The following TRMT44 variants were observed in gnomAD, a reference collection of about 807,000 sequenced individuals.
The protein encoded by TRMT44 is probable tRNA (uracil-O(2)-)-methyltransferase.
A neutral mutation model predicts 77.3 loss-of-function variants in TRMT44; 78 were observed. That is an observed-to-expected ratio of 1.01 (90% confidence interval 0.84 to 1.22). The LOEUF is 1.22. TRMT44 is among the 50% of genes most tolerant of loss of function. The pLI, the probability that TRMT44 is intolerant of heterozygous loss-of-function variation, is 0.00. For synonymous variants in TRMT44, 391 were observed against 383.3 expected (o/e 1.02, Z -0.23); for missense variants, 1,090 against 964.4 (o/e 1.13, Z -1.73).
At chr4:8,478,369 G>A (rs1437531560), downstream of TRMT44, 1 of 152,648 alleles carries the variant, frequency 6.6e-6, no homozygotes, top group Non-Finnish European at 1.5e-5. Flanking sequence ...ATGCTAAGTG[G>A]GGCCCACCAT....
At chr4:8,493,260 T>C (rs1313279193) in intron 2 of TRMT44, 1 of 152,190 alleles carries the variant, frequency 6.6e-6, no homozygotes, top group African/African-American at 2.4e-5. Context: ...TTAACATCTT[T>C]TACAGACCCT....
chr4:8,481,648 C>T (rs1325755586), intron 2 of TRMT44, among the ~76,000 whole-genome samples: 3 of 152,228 alleles, frequency 2.0e-5, no homozygotes, highest in Non-Finnish European at 2.9e-5. Flanking sequence ...ATTATATCAG[C>T]TTTTCTCTTT....
intron 9 of TRMT44, chr4:8,470,809 C>T (rs1726938497): frequency 3.5e-6 from 1 of 287,726 alleles, no homozygotes; most frequent in East Asian, 6.7e-5. Context: ...CCACCCAGAG[C>T]AGGCAGCATC....
At chr4:8,484,851 G>A (rs189896169) in intron 2 of TRMT44, among the ~76,000 whole-genome samples, 1 of 152,188 alleles carries the variant, frequency 6.6e-6, no homozygotes, top group South Asian at 2.1e-4. Flanking sequence ...AAGGGTTGGG[G>A]TTTGAGAGAT....
chr4:8,445,265 A>T (rs1724987983), intron 1 of TRMT44, among the ~76,000 whole-genome samples: 1 of 152,282 alleles, frequency 6.6e-6, no homozygotes. Flanking sequence ...GTGCTGGGAC[A>T]ACAGGCATGG....
chr4:8,489,618 A>T (rs562664651), intron 2 of TRMT44, among the ~76,000 whole-genome samples: 2 of 152,110 alleles, frequency 1.3e-5, no homozygotes, highest in African/African-American at 4.8e-5. Context: ...CTGGGATTAC[A>T]GGTGTTAGCC....
intron 2 of TRMT44, among the ~76,000 whole-genome samples, chr4:8,490,077 G>A (rs1408946270): frequency 6.6e-6 from 1 of 152,146 alleles, no homozygotes; most frequent in Non-Finnish European, 1.5e-5. Context: ...CCCCACAGAG[G>A]CAATTCAGCC....
Position 8,468,421 on chromosome 4 carries a change from C to A in TRMT44, c.1927+75C>A, listed in dbSNP as rs188616875. ...GGGCAGGAATTCACGTCTTCAGAAC[C>A]GACATGAAATGGTGTGGCCCTGTGA... On this transcript the variant is annotated intron_variant, in intron 9 of 10. Coordinates refer to ENST00000389737, the MANE Select transcript of TRMT44 (RefSeq NM_152544.3). 2.1e-6 allele frequency: 3 copies of A among 1,448,222 alleles called. No homozygotes were observed. The East Asian group carries it at 6.8e-5, about 33-fold the overall frequency. The allele number at this position is 1,448,222 out of a possible 1,614,324, so 89.7% of individuals were successfully genotyped here.
downstream of TRMT44, among the ~76,000 whole-genome samples, chr4:8,495,123 A>T (rs758234377): frequency 6.6e-6 from 1 of 152,168 alleles, no homozygotes; most frequent in Non-Finnish European, 1.5e-5. Flanking sequence ...AAGACAGAAC[A>T]TTTGGAGACC....
the TRMT44 span, among the ~76,000 whole-genome samples, chr4:8,499,520 G>T: frequency 6.9e-6 from 1 of 145,980 alleles, no homozygotes. Context: ...TTGAGTGTGG[G>T]GGTGGGCAGG....
downstream of TRMT44, among the ~76,000 whole-genome samples, chr4:8,497,981 G>A (rs1728199087): frequency 6.6e-6 from 1 of 152,208 alleles, no homozygotes; most frequent in South Asian, 2.1e-4. Flanking sequence ...CTGCTGGGCT[G>A]AGAGCATGGC....
At chr4:8,489,414 C>T (rs960000262) in intron 2 of TRMT44, among the ~76,000 whole-genome samples, 5 of 152,170 alleles carry the variant, frequency 3.3e-5, no homozygotes, top group African/African-American at 9.7e-5. Flanking sequence ...TATTCCTGGG[C>T]CATAGGGCTG....
At chr4:8,490,937 G>A (rs888462440) in intron 2 of TRMT44, among the ~76,000 whole-genome samples, 5 of 152,090 alleles carry the variant, frequency 3.3e-5, no homozygotes, top group East Asian at 1.9e-4. Context: ...ACAGAGTATC[G>A]ACACAAAGGT....
At position 8,468,062 on chromosome 4, in the gene TRMT44, C is replaced by A. The variant is rs770110030; in HGVS notation, c.1643C>A (p.Ala548Asp). Residue 548 changes from alanine to aspartate, a missense_variant, in exon 9 of 11, where the codon GCT (alanine) becomes GAT (aspartate). By Grantham distance (126) the Ala-to-Asp change is moderately radical. Coordinates refer to ENST00000389737, the MANE Select transcript of TRMT44 (RefSeq NM_152544.3). ...TCCCCTTCTCCACGCTGGGTTGCTG[C>A]TGGCAGTGCTGGTCACTGTGACGGT... ...ELSPSPRWVA[A>D]GSAGHCDGQQ... is the part of the protein sequence containing the mutation. The A allele has an allele frequency of 3.7e-6, 6 of 1,613,970 alleles. No homozygotes were observed. The highest frequency in any genetic ancestry group is 8.5e-7 in the Non-Finnish European group (1 of 1,180,048).
the TRMT44 span, among the ~76,000 whole-genome samples, chr4:8,516,931 G>A: frequency 2.0e-5 from 3 of 152,242 alleles, no homozygotes; most frequent in Non-Finnish European, 1.5e-5. Flanking sequence ...AGTGTAACCT[G>A]AACAAGCTTC....
intron 2 of TRMT44, among the ~76,000 whole-genome samples, chr4:8,449,386 A>G (rs901878756): frequency 6.6e-6 from 1 of 152,252 alleles, no homozygotes; most frequent in African/African-American, 2.4e-5. Context: ...CTCCTTGTGC[A>G]TGAAGCAGCA....
chr4:8,497,254 G>A (rs1333112743), downstream of TRMT44, among the ~76,000 whole-genome samples: 1 of 152,060 alleles, frequency 6.6e-6, no homozygotes, highest in African/African-American at 2.4e-5. Context: ...TCTCTATTTA[G>A]CCAGTTCTTG....
chr4:8,465,295 A>G (rs1726450983), intron 7 of TRMT44, 83 bp from the exon 8 acceptor site: 2 of 1,381,350 alleles, frequency 1.4e-6, no homozygotes, highest in African/African-American at 2.9e-5. Flanking sequence ...CTGATATGCG[A>G]TTGCCGTGTG....
the TRMT44 span, among the ~76,000 whole-genome samples, chr4:8,501,708 C>G: frequency 2.0e-5 from 3 of 152,162 alleles, no homozygotes; most frequent in Non-Finnish European, 4.4e-5. The surrounding 1 kb of genome is among the most constrained non-coding windows in gnomAD (Gnocchi z 4.4). Context: ...TCCCCTTCTT[C>G]CCTTCTTTCT....
Sources: allele counts gnomAD v4.1 joint callset (sites outside exome capture counted in the v4.1 genomes callset), GRCh38; gene constraint gnomAD v4.1.1; non-coding constraint Gnocchi (gnomAD v3.1); transcripts MANE v1.5; gene names NCBI Gene and HGNC (gene_info 2026-07-23, HGNC 2026-07-21).